Variants in MGLL observed in about 807,000 individuals in gnomAD.
MGLL encodes monoglyceride lipase.
In MGLL, 7 loss-of-function variants were observed where a neutral mutation model predicts 29.1. That is an observed-to-expected ratio of 0.24 (90% CI 0.14 to 0.45). MGLL has a LOEUF of 0.45. Ranked by LOEUF, MGLL falls within the 20% of genes least tolerant of loss-of-function variation. The pLI is 0.99. For synonymous variants in MGLL, 148 were observed against 168.3 expected, an observed-to-expected ratio of 0.88 and a Z score of 0.93; for missense variants, 356 against 413.6, an observed-to-expected ratio of 0.86 and a Z score of 1.21.
intron 3 of MGLL, among the ~76,000 whole-genome samples, chr3:127,726,440 T>A (rs988129453): frequency 2.0e-5 from 3 of 152,126 alleles, no homozygotes; most frequent in Non-Finnish European, 4.4e-5. Flanking sequence ...TATTTTTTTT[T>A]ATTTTTTATT....
intron 5 of MGLL, chr3:127,712,352 G>A (rs1157353227): frequency 6.6e-6 from 1 of 152,244 alleles, no homozygotes; most frequent in South Asian, 2.1e-4. Flanking sequence ...GCCCGCACAA[G>A]TGTGGCGTGA....
chr3:127,710,702 G>A (rs1328981761), intron 5 of MGLL, 37 bp from the exon 6 acceptor site: 4 of 1,499,882 alleles, frequency 2.7e-6, no homozygotes, highest in Admixed American at 2.0e-5. Flanking sequence ...GTGAGCACAA[G>A]TGGCATCCAC....
chr3:127,726,595 AT>A (rs1188233536), intron 3 of MGLL, among the ~76,000 whole-genome samples: 6 of 151,840 alleles, frequency 4.0e-5, no homozygotes, highest in Non-Finnish European at 8.8e-5. Context: ...TGCCCAGCTA[AT>A]TTTTTTCTAT....
intron 2 of MGLL, among the ~76,000 whole-genome samples, chr3:127,794,216 G>A (rs2077345988): frequency 1.3e-5 from 2 of 152,074 alleles, no homozygotes; most frequent in Admixed American, 6.5e-5. Flanking sequence ...AGGCTGAGGC[G>A]AGAGAATTGC....
intron 2 of MGLL, among the ~76,000 whole-genome samples, chr3:127,796,418 T>C (rs2077382121): frequency 6.6e-6 from 1 of 152,220 alleles, no homozygotes; most frequent in South Asian, 2.1e-4. Flanking sequence ...GAATCTGCAG[T>C]TGGATCTTTC....
At chr3:127,705,922 C>T (rs1275203947) in intron 6 of MGLL, among the ~76,000 whole-genome samples, 1 of 152,112 alleles carries the variant, frequency 6.6e-6, no homozygotes, top group Non-Finnish European at 1.5e-5. Context: ...ATTAGGATGG[C>T]TACTATCAAA....
chr3:127,821,725 A>G lies in MGLL; in HGVS notation c.124T>C (p.Cys42Arg). Residue 42 changes from cysteine (C) to arginine (R), a missense_variant, in exon 2 of 8, where the codon TGC becomes CGC. Transcript: ENST00000265052. ...LVNADGQYLF[C>R]RYWKPTGTPK... ...GTGCCTGTGGGTTTCCAGTACCTGCAGAAGAGGTACTGTCCGTCTGCATTG... is the reference window on the plus strand; with the variant it reads ...GTGCCTGTGGGTTTCCAGTACCTGCGGAAGAGGTACTGTCCGTCTGCATTG... 1.2e-6 allele frequency: 2 copies of G among 1,614,084 alleles called. No individual in the cohort carries two copies. Among genetic ancestry groups the G allele is most frequent in the African/African-American group, 1.3e-5 (1 of 75,016 alleles).
intron 5 of MGLL, among the ~76,000 whole-genome samples, chr3:127,719,947 G>A (rs1034578384): frequency 6.6e-6 from 1 of 152,132 alleles, no homozygotes; most frequent in African/African-American, 2.4e-5. Context: ...TTGCCAAGCC[G>A]AGCCCCATTT....
intron 2 of MGLL, among the ~76,000 whole-genome samples, chr3:127,803,478 C>T (rs1461464484): frequency 6.6e-6 from 1 of 152,202 alleles, no homozygotes; most frequent in Non-Finnish European, 1.5e-5. Flanking sequence ...GGTGCACTCA[C>T]ACCATATGGG....
At chr3:127,784,308 G>A (rs1404642380) in intron 2 of MGLL, among the ~76,000 whole-genome samples, 1 of 152,172 alleles carries the variant, frequency 6.6e-6, no homozygotes, top group East Asian at 1.9e-4. Flanking sequence ...TTGGTCTGAG[G>A]TTAGAAAAGC....
chr3:127,810,392 T>C (rs1413528018), intron 2 of MGLL, among the ~76,000 whole-genome samples: 6 of 152,214 alleles, frequency 3.9e-5, no homozygotes, highest in African/African-American at 7.2e-5. Context: ...CACTTCGGAC[T>C]CCAGTTTCCA....
intron 3 of MGLL, among the ~76,000 whole-genome samples, chr3:127,726,595 A>AT (rs1188233536): frequency 1.3e-5 from 2 of 151,724 alleles, no homozygotes; most frequent in Non-Finnish European, 1.5e-5. Flanking sequence ...TGCCCAGCTA[A>AT]TTTTTTTCTA....
At chr3:127,736,546 A>G (rs754606496) in intron 3 of MGLL, among the ~76,000 whole-genome samples, 20 of 152,234 alleles carry the variant, frequency 1.3e-4, no homozygotes, top group Admixed American at 2.0e-4. Flanking sequence ...GGTTTAATGA[A>G]TGAATAAGCA....
intron 6 of MGLL, among the ~76,000 whole-genome samples, chr3:127,709,909 A>G (rs1000182429): frequency 6.6e-6 from 1 of 152,110 alleles, no homozygotes; most frequent in Non-Finnish European, 1.5e-5. Flanking sequence ...CATCTGCAAT[A>G]TGGGTCTGTC....
intron 2 of MGLL, among the ~76,000 whole-genome samples, chr3:127,782,922 C>T (rs1234024858): frequency 1.3e-5 from 2 of 152,092 alleles, no homozygotes; most frequent in Admixed American, 6.5e-5. Context: ...GGCAAGGTGG[C>T]TCACACCTAT....
At chr3:127,708,470 C>T (rs1035627272) in intron 6 of MGLL, among the ~76,000 whole-genome samples, 6 of 152,128 alleles carry the variant, frequency 3.9e-5, no homozygotes, top group African/African-American at 1.2e-4. Flanking sequence ...GTGCTTCCAT[C>T]CTGAGTAAGA....
chr3:127,732,103 C>T (rs933573334), intron 3 of MGLL, among the ~76,000 whole-genome samples: 1 of 152,168 alleles, frequency 6.6e-6, no homozygotes, highest in Admixed American at 6.5e-5. Flanking sequence ...CCAGCCTCCC[C>T]CTTCCCTTTT....
intron 3 of MGLL, among the ~76,000 whole-genome samples, chr3:127,763,093 C>A (rs2076793845): frequency 6.6e-6 from 1 of 152,160 alleles, no homozygotes; most frequent in Admixed American, 6.5e-5. Context: ...TAGGGAAATA[C>A]TCAGTATTTG....
chr3:127,817,629 C>A (rs1286795523), intron 2 of MGLL, among the ~76,000 whole-genome samples: 1 of 152,204 alleles, frequency 6.6e-6, no homozygotes, highest in Non-Finnish European at 1.5e-5. Flanking sequence ...ATAATTACAG[C>A]CTGCTCTCCA....
Sources: gnomAD v4.1 joint callset for allele counts (sites outside exome capture counted in the v4.1 genomes callset) on GRCh38, gnomAD v4.1.1 for gene constraint, MANE v1.5 for transcripts, NCBI Gene and HGNC (gene_info 2026-07-23, HGNC 2026-07-21) for gene names.